PASD1: variants seen among roughly 807,000 people sequenced by gnomAD.
The protein encoded by PASD1 is PAS domain containing repressor 1.
Under a neutral mutation model 58.8 loss-of-function variants are expected in PASD1, and 13 were observed. The observed-to-expected ratio is 0.22, with a 90% CI of 0.14 to 0.35. PASD1 has a LOEUF of 0.35. PASD1 is among the 10% of genes least tolerant of loss of function. PASD1 has a pLI of 1.00. For missense variants in PASD1, 734 were observed against 568.3 expected (o/e 1.29, Z -2.96); for synonymous variants, 236 against 216.7 (o/e 1.09, Z -0.78).
chrX:151,676,314 GC>G lies in PASD1; in HGVS notation c.*173del. ...TGTTTGTAATTGTTTGTTAAGCACA[GC>G]CTGTTTCTTGGAAGTTATGCTGTAG... On this transcript the variant is annotated 3_prime_UTR_variant, in exon 16 of 16. Transcript: ENST00000370357. 3 of 500,318 alleles carry G rather than the reference GC, an allele frequency of 6.0e-6. No homozygotes were observed. The highest frequency in any genetic ancestry group is 9.2e-6 in the Non-Finnish European group (3 of 325,843). The allele number at this position is 500,318 out of a possible 1,213,427, so 41.2% of individuals were successfully genotyped here.
chrX:151,584,440 C>T (rs746632731), intron 1 of PASD1, among the ~76,000 whole-genome samples: 2 of 111,822 alleles, frequency 1.8e-5, no homozygotes, highest in Non-Finnish European at 1.9e-5. Flanking sequence ...TGTAACTAGC[C>T]GTGATAATGT....
chrX:151,620,318 AGTGCACAG>A (rs2013689365), intron 4 of PASD1, among the ~76,000 whole-genome samples: 2 of 111,222 alleles, frequency 1.8e-5, no homozygotes, highest in Admixed American at 9.6e-5. Context: ...AATGGGATGC[AGTGCACAG>A]GTGAAGGAGT....
intron 1 of PASD1, among the ~76,000 whole-genome samples, chrX:151,600,862 G>A (rs971834581): frequency 8.0e-5 from 9 of 111,843 alleles, no homozygotes; most frequent in Admixed American, 4.8e-4. Flanking sequence ...CCCTTACTTA[G>A]AGAACATTTA....
intron 7 of PASD1, among the ~76,000 whole-genome samples, chrX:151,623,350 A>G (rs1483420030): frequency 2.7e-5 from 3 of 111,922 alleles, no homozygotes; most frequent in Non-Finnish European, 3.8e-5. Context: ...ACTGGAACAC[A>G]TGAAGAGAAA....
At chrX:151,672,685 T>C in intron 14 of PASD1, 24 bp downstream of exon 14, 1 of 1,203,953 alleles carries the variant, frequency 8.3e-7, no homozygotes, top group Non-Finnish European at 1.1e-6. Context: ...GGAATGGTGA[T>C]AGTGGCTATG....
intron 3 of PASD1, among the ~76,000 whole-genome samples, chrX:151,609,684 A>G (rs989148649): frequency 1.2e-4 from 13 of 111,451 alleles, no homozygotes; most frequent in African/African-American, 2.6e-4. Flanking sequence ...TTTGTTACGC[A>G]TTTTGGTTAT....
chrX:151,649,918 A>AT (rs1358575016), intron 9 of PASD1, among the ~76,000 whole-genome samples: 1 of 112,235 alleles, frequency 8.9e-6, no homozygotes. Flanking sequence ...ATGAGCACAT[A>AT]TTTTAAACAT....
rs778419100 is a variant in PASD1, at chrX:151,591,336, CATCT to C, written c.-27-10187_-27-10184del. On this transcript the variant is annotated intron_variant, in intron 1 of 15. Transcript: ENST00000370357. ...ATGTATAGATGTGTGTGTACACACA[CATCT>C]ATCATACGTTTTTCCAGAAAATTAA... 5.1e-4 allele frequency among the ~76,000 whole-genome samples: 57 copies of C among 111,370 alleles called. No individual in the cohort carries two copies. The Middle Eastern group carries it at 0.019, about 36-fold the overall frequency.
chrX:151,651,255 T>A (rs2014125393), intron 9 of PASD1, among the ~76,000 whole-genome samples: 1 of 112,064 alleles, frequency 8.9e-6, no homozygotes, highest in African/African-American at 3.2e-5. Context: ...CCCAAATACT[T>A]CTCTTAATGA....
intron 1 of PASD1, among the ~76,000 whole-genome samples, chrX:151,594,078 A>C (rs1228601717): frequency 9.0e-6 from 1 of 110,651 alleles, no homozygotes; most frequent in African/African-American, 3.3e-5. Context: ...GATTCATGCC[A>C]TTCTCCTGCC....
At position 151,620,709 on chromosome X, in the gene PASD1, A is replaced by C. The variant is rs1208820429; in HGVS notation, c.208-221A>C. 2.9e-4 allele frequency among the ~76,000 whole-genome samples: 32 copies of C among 111,047 alleles called. No homozygotes were observed. In the Admixed American group the frequency reaches 3.1e-3, roughly 11 times the overall value. ...TTCCCAGGCAAATATGGTAGAGGGA[A>C]AGAGCACATAGGAGGTGGTGCTCAT... On this transcript the variant is annotated intron_variant, in intron 4 of 15. Transcript: ENST00000370357.
intron 6 of PASD1, 39 bp from the exon 7 acceptor site, chrX:151,622,898 C>T: frequency 8.5e-7 from 1 of 1,175,880 alleles, no homozygotes; most frequent in Non-Finnish European, 1.1e-6. Flanking sequence ...TTTAACTGGT[C>T]CACCTTTCTG....
In PASD1 at chrX:151,588,145, C is replaced by T. The variant is rs778615187; in HGVS notation, c.-27-13382C>T. Among the ~76,000 whole-genome samples the T allele has an allele frequency of 4.5e-5, 5 of 111,814 alleles. No individual in the cohort carries two copies. The South Asian group carries it at 1.9e-3, about 42-fold the overall frequency. On this transcript the variant is annotated intron_variant, in intron 1 of 15. Coordinates refer to ENST00000370357, the MANE Select transcript of PASD1 (RefSeq NM_173493.3). ...TTCCCCTATAAACTTAAAACAAATT[C>T]CTGGAACCATATTGAGATTTGAAAG...
At chrX:151,655,709 T>G (rs1305873387) in intron 9 of PASD1, among the ~76,000 whole-genome samples, 3 of 112,072 alleles carry the variant, frequency 2.7e-5, no homozygotes, top group African/African-American at 9.7e-5. Context: ...CTGTTTGTTT[T>G]TTTCTTGTAA....
At chrX:151,671,339 T>C in intron 12 of PASD1, 143 bp downstream of exon 12, 2 of 769,290 alleles carry the variant, frequency 2.6e-6, no homozygotes, top group South Asian at 2.7e-5. Context: ...CAGGGTGATA[T>C]GGGATATCTA....
Position 151,662,836 on chromosome X carries a change from C to G in PASD1, c.842-1283C>G, listed in dbSNP as rs757290777. On this transcript the variant is annotated intron_variant, in intron 10 of 15. Coordinates refer to ENST00000370357, the MANE Select transcript of PASD1 (RefSeq NM_173493.3). ...GTTTCACAATTGCTAACCTGTACCC[C>G]TTAAGGAACAAATTTACCATTTGGA... Among the ~76,000 whole-genome samples the G allele has an allele frequency of 5.4e-5, 6 of 112,004 alleles. No individual in the cohort carries two copies. In the South Asian group the frequency reaches 2.2e-3, roughly 42 times the overall value.
chrX:151,672,426 G>A lies in PASD1; in HGVS notation c.1681G>A (p.Glu561Lys). 2 of 1,211,730 alleles carry A rather than the reference G, an allele frequency of 1.7e-6. No individual in the cohort carries two copies. The highest frequency in any genetic ancestry group is 1.7e-5 in the African/African-American group (1 of 57,891). ...GQMLQKEPEEEQQKQQLQEQP... is the reference protein window; with the variant it reads ...GQMLQKEPEEKQQKQQLQEQP... ...GATGCTACAGAAAGAGCCAGAGGAG[G>A]AGCAGCAGAAGCAGCAGCTGCAAGA... is the stretch of plus-strand genomic sequence containing the variant. The change falls in exon 14 of 16, where the codon GAG (glutamate) becomes AAG (lysine). Residue 561 changes from glutamate to lysine, a missense_variant. By Grantham distance (56) the Glu-to-Lys change is moderately conservative. Transcript: ENST00000370357.
At chrX:151,633,193 G>A (rs1319681040) in intron 8 of PASD1, among the ~76,000 whole-genome samples, 3 of 110,763 alleles carry the variant, frequency 2.7e-5, no homozygotes, top group South Asian at 7.8e-4. Context: ...ATGAACAACC[G>A]AGTCATTCCA....
In PASD1 at chrX:151,671,167, G is replaced by A; in HGVS notation, c.1201G>A (p.Ala401Thr). 1.7e-6 allele frequency: 2 copies of A among 1,211,592 alleles called. No homozygotes were observed. The highest frequency in any genetic ancestry group is 2.2e-6 in the Non-Finnish European group (2 of 895,428). ...LHDAIQNQQNALELMMDHLQK... is the reference protein window; with the variant it reads ...LHDAIQNQQNTLELMMDHLQK... ...TGATGCCATCCAAAACCAGCAGAATGCATTGGAATTGATGATGGATCACCT... is the reference window on the plus strand; with the variant it reads ...TGATGCCATCCAAAACCAGCAGAATACATTGGAATTGATGATGGATCACCT... The change falls in exon 12 of 16, where the codon GCA (alanine) becomes ACA (threonine). Residue 401 changes from alanine to threonine, a missense_variant. Coordinates refer to ENST00000370357, the MANE Select transcript of PASD1 (RefSeq NM_173493.3).
Sources: allele counts gnomAD v4.1 joint callset (sites outside exome capture counted in the v4.1 genomes callset), GRCh38; gene constraint gnomAD v4.1.1; transcripts MANE v1.5; gene names NCBI Gene and HGNC (gene_info 2026-07-23, HGNC 2026-07-21).